The following CYFIP1 variants were observed in gnomAD, a reference collection of about 807,000 sequenced individuals.
CYFIP1 encodes cytoplasmic FMR1 interacting protein 1, also known as cytoplasmic FMR1-interacting protein 1.
A neutral mutation model predicts 163.5 loss-of-function variants in CYFIP1; 58 were observed. The ratio of observed to expected loss-of-function variants is 0.35; its 90% CI spans 0.29 to 0.44. The LOEUF (loss-of-function observed/expected upper bound fraction) is 0.44, where lower values mean the gene tolerates loss of function less well. CYFIP1 is among the 20% of genes least tolerant of loss of function. The probability of loss-of-function intolerance (pLI) is 1.00; values close to 1 mark genes in which losing one functional copy is unlikely to be tolerated. For missense variants in CYFIP1, 1,338 were observed against 1,653.8 expected, an observed-to-expected ratio of 0.81 and a Z score of 3.31; for synonymous variants, 663 against 660.7, an observed-to-expected ratio of 1.00 and a Z score of -0.05.
chr15:22,914,425 C>CTTTTTTTTTTTTTTTTTTTTT (rs112433925), intron 17 of CYFIP1, among the ~76,000 whole-genome samples: 1 of 145,414 alleles, frequency 6.9e-6, no homozygotes. Flanking sequence ...CATGATTTCT[C>CTTTTTTTTTTTTTTTTTTTTT]TTTTTTTTTT....
chr15:22,968,359 G>A (rs1399541242), intron 1 of CYFIP1, among the ~76,000 whole-genome samples: 1 of 152,048 alleles, frequency 6.6e-6, no homozygotes, highest in Non-Finnish European at 1.5e-5. Context: ...TAATTTGGGT[G>A]GGCCTCATCC....
At chr15:22,961,912 A>T (rs762163894) in intron 1 of CYFIP1, among the ~76,000 whole-genome samples, 3 of 152,106 alleles carry the variant, frequency 2.0e-5, no homozygotes, top group Non-Finnish European at 4.4e-5. Context: ...ACTTTTTATC[A>T]TATTAGCTTT....
chr15:22,965,405 G>A (rs980520812), intron 1 of CYFIP1, among the ~76,000 whole-genome samples: 1 of 152,238 alleles, frequency 6.6e-6, no homozygotes, highest in Non-Finnish European at 1.5e-5. Context: ...GTTGTGGTGA[G>A]CTGAGATGGT....
chr15:22,925,738 C>T (rs1021855591), intron 13 of CYFIP1, among the ~76,000 whole-genome samples: 1 of 152,130 alleles, frequency 6.6e-6, no homozygotes, highest in Non-Finnish European at 1.5e-5. Flanking sequence ...CCCGACACTG[C>T]TCTCCATCCA....
chr15:22,930,290 A>T (rs1353786300), intron 11 of CYFIP1, among the ~76,000 whole-genome samples: 3 of 148,368 alleles, frequency 2.0e-5, no homozygotes, highest in African/African-American at 7.4e-5. Flanking sequence ...GCTACTCGGG[A>T]GGCTGAGGAA....
intron 12 of CYFIP1, among the ~76,000 whole-genome samples, chr15:22,926,674 A>G (rs2061366801): frequency 6.6e-6 from 1 of 152,190 alleles, no homozygotes; most frequent in Admixed American, 6.5e-5. Flanking sequence ...TAATTTACTA[A>G]TGTTCAACAA....
chr15:22,918,966 C>T, intron 13 of CYFIP1, 108 bp from the exon 14 acceptor site: 1 of 869,116 alleles, frequency 1.2e-6, no homozygotes, highest in Non-Finnish European at 1.8e-6. Flanking sequence ...CACCTTACGC[C>T]CTCCCGCGTT....
chr15:22,962,090 C>A (rs1200943236), intron 1 of CYFIP1, among the ~76,000 whole-genome samples: 3 of 152,138 alleles, frequency 2.0e-5, no homozygotes, highest in Admixed American at 6.6e-5. Flanking sequence ...AGTGTCAAGG[C>A]AGCACTACTA....
At chr15:22,946,089 G>A (rs1595677808) in intron 3 of CYFIP1, among the ~76,000 whole-genome samples, 1 of 151,800 alleles carries the variant, frequency 6.6e-6, no homozygotes, top group East Asian at 1.9e-4. Flanking sequence ...GATTCCTTGA[G>A]TCCAGGAATT....
chr15:22,934,177 CTTT>C (rs1163626431), intron 9 of CYFIP1, among the ~76,000 whole-genome samples: 3 of 66,148 alleles, frequency 4.5e-5, no homozygotes, highest in South Asian at 1.3e-3. Flanking sequence ...GCATTTCTTT[CTTT>C]TTTTTTTTTT....
chr15:22,897,795 C>A (rs2141983474), intron 22 of CYFIP1, among the ~76,000 whole-genome samples: 1 of 152,260 alleles, frequency 6.6e-6, no homozygotes, highest in South Asian at 2.1e-4. Context: ...CAACAGAGTT[C>A]CATTCTTCTT....
chr15:22,881,954 C>G lies in CYFIP1; in HGVS notation c.2821-18G>C. 6.2e-7 allele frequency: 1 copy of G among 1,607,896 alleles called. No homozygotes were observed. The highest frequency in any genetic ancestry group is 1.1e-5 in the South Asian group (1 of 90,918). On this transcript the variant is annotated intron_variant, in intron 24 of 30. Transcript: ENST00000617928. ...CCTTGCAGCTGCCGGGGAGATGAGACGGGCTGCGTCAGCCACCCCACTCCG... is the reference window on the plus strand; with the variant it reads ...CCTTGCAGCTGCCGGGGAGATGAGAGGGGCTGCGTCAGCCACCCCACTCCG...
rs201522704 is a variant in CYFIP1 at position 22,903,699 on chromosome 15, C to T, written c.2588+7G>A. ...CCTGTGGGCGCCTGTGTGGCGGGCA[C>T]GCTCACCGGTTGGTAGAGCCGTTGT... On this transcript the variant is annotated splice_region_variant and intron_variant, in intron 22 of 30. Transcript: ENST00000617928. The T allele has an allele frequency of 8.1e-5, 131 of 1,612,872 alleles. No individual in the cohort carries two copies. The highest frequency in any genetic ancestry group is 2.0e-4 in the Admixed American group (12 of 60,028).
intron 1 of CYFIP1, among the ~76,000 whole-genome samples, chr15:22,951,144 G>C (rs2062235944): frequency 6.6e-6 from 1 of 152,116 alleles, no homozygotes; most frequent in Admixed American, 6.5e-5. Flanking sequence ...ATGGCGGCTG[G>C]AGACGCCACC....
intron 1 of CYFIP1, chr15:22,951,513 G>A: frequency 7.8e-7 from 1 of 1,288,234 alleles, no homozygotes; most frequent in East Asian, 5.6e-5. Flanking sequence ...ACGTGCTTCG[G>A]CCCCATAGGG....
chr15:22,958,480 T>G (rs1158834892), intron 1 of CYFIP1, among the ~76,000 whole-genome samples: 1 of 152,196 alleles, frequency 6.6e-6, no homozygotes, highest in East Asian at 1.9e-4. Context: ...GAAATCAAGT[T>G]TGAAAATCAC....
At position 22,917,004 on chromosome 15, in the gene CYFIP1, T is replaced by A; in HGVS notation, c.1675-374A>T. On this transcript the variant is annotated intron_variant, in intron 15 of 30. Coordinates refer to ENST00000617928, the MANE Select transcript of CYFIP1 (RefSeq NM_014608.6). This position sits in a 1 kb window ranked among gnomAD's most constrained non-coding sequence, Gnocchi z 4.2. The stretch of plus-strand genomic sequence containing the variant: ...GAGCAGCTCGGCAGAGCCCAAGGAC[T>A]CGGCCATGGTGCGCACCAGGTAGAG... The A allele has an allele frequency of 6.5e-7, 1 of 1,550,346 alleles. No homozygotes were observed. Among genetic ancestry groups the A allele is most frequent in the Non-Finnish European group, 8.7e-7 (1 of 1,146,442 alleles).
intron 1 of CYFIP1, among the ~76,000 whole-genome samples, chr15:22,967,908 G>A (rs2062965765): frequency 1.3e-5 from 2 of 152,090 alleles, no homozygotes; most frequent in Non-Finnish European, 2.9e-5. Flanking sequence ...GGCTGACACA[G>A]GCAGATCACT....
intron 1 of CYFIP1, chr15:22,951,425 C>T: frequency 1.6e-6 from 2 of 1,289,520 alleles, no homozygotes; most frequent in Non-Finnish European, 2.0e-6. Context: ...CCTGCAGAGC[C>T]AGCATGGGGG....
Sources: allele counts gnomAD v4.1 joint callset (sites outside exome capture counted in the v4.1 genomes callset), GRCh38; gene constraint gnomAD v4.1.1; non-coding constraint Gnocchi (gnomAD v3.1); transcripts MANE v1.5; gene names NCBI Gene and HGNC (gene_info 2026-07-23, HGNC 2026-07-21).